Variants in DSCAM observed in about 807,000 individuals in gnomAD.
DSCAM encodes DS cell adhesion molecule, also known as cell adhesion molecule DSCAM.
In DSCAM, 47 loss-of-function variants were observed where a neutral mutation model predicts 217.7. The observed-to-expected ratio is 0.22, with a 90% CI of 0.17 to 0.28. The LOEUF (loss-of-function observed/expected upper bound fraction) is 0.28, where lower values mean the gene tolerates loss of function less well. Ranked by LOEUF, DSCAM falls within the 10% of genes least tolerant of loss-of-function variation. The pLI is 1.00. For synonymous variants in DSCAM, 1,056 were observed against 1,015.3 expected, an observed-to-expected ratio of 1.04 and a Z score of -0.76; for missense variants, 2,080 against 2,618.3, an observed-to-expected ratio of 0.79 and a Z score of 4.49.
chr21:40,100,559 CAATG>C (rs761569202), intron 20 of DSCAM, among the ~76,000 whole-genome samples: 23 of 151,504 alleles, frequency 1.5e-4, no homozygotes, highest in Non-Finnish European at 3.2e-4. Context: ...AGAGAATGTT[CAATG>C]AGAAGGGATC....
At chr21:40,411,570 A>C (rs1412065736) in intron 3 of DSCAM, among the ~76,000 whole-genome samples, 1 of 152,176 alleles carries the variant, frequency 6.6e-6, no homozygotes, top group African/African-American at 2.4e-5. Context: ...GTTAAAGCAA[A>C]AAGATATAAA....
intron 21 of DSCAM, among the ~76,000 whole-genome samples, chr21:40,091,277 T>C (rs1292198426): frequency 1.3e-5 from 2 of 152,278 alleles, no homozygotes; most frequent in East Asian, 3.9e-4. Context: ...ACCATCTCCT[T>C]ATTTCTCTTG....
At chr21:40,378,374 T>C (rs1490669728) in intron 3 of DSCAM, among the ~76,000 whole-genome samples, 2 of 152,142 alleles carry the variant, frequency 1.3e-5, no homozygotes, top group East Asian at 1.9e-4. Context: ...GGTGGGCATG[T>C]AAATTGGTGA....
chr21:40,216,466 A>T (rs188063108), intron 11 of DSCAM, among the ~76,000 whole-genome samples: 67 of 152,274 alleles, frequency 4.4e-4, no homozygotes, highest in African/African-American at 1.5e-3. Flanking sequence ...TTATAAAAAA[A>T]GCTTTTAAAA....
At chr21:40,219,904 T>A (rs2091276137) in intron 11 of DSCAM, among the ~76,000 whole-genome samples, 1 of 152,208 alleles carries the variant, frequency 6.6e-6, no homozygotes, top group East Asian at 1.9e-4. Context: ...CAAATAGCAT[T>A]TTTGAATATG....
intron 27 of DSCAM, among the ~76,000 whole-genome samples, chr21:40,064,349 C>G (rs2089174910): frequency 6.6e-6 from 1 of 152,112 alleles, no homozygotes; most frequent in Non-Finnish European, 1.5e-5. Flanking sequence ...CAATTGTCTT[C>G]TGATCAACTG....
rs2089701266 is a variant in DSCAM at position 40,097,961 on chromosome 21, AGAAAG to A, written c.3697-4092_3697-4088del. Among the ~76,000 whole-genome samples, 51 of 62,472 alleles carry A rather than the reference AGAAAG, an allele frequency of 8.2e-4. 3 individuals are homozygous for A. Among genetic ancestry groups the A allele is most frequent in the African/African-American group, 3.8e-3 (42 of 11,112 alleles). The allele number at this position is 62,472 out of a possible 152,430, so 41.0% of individuals were successfully genotyped here. On this transcript the variant is annotated intron_variant, in intron 20 of 32. Coordinates refer to ENST00000400454, the MANE Select transcript of DSCAM (RefSeq NM_001389.5). ...GTCTCAAAAAAAAAAAAAAAAAGAA[AGAAAG>A]AAAGAAAGAAAGAAAGAAAGAAAGA...
intron 1 of DSCAM, among the ~76,000 whole-genome samples, chr21:40,723,263 TC>T (rs751139420): frequency 6.6e-6 from 1 of 152,132 alleles, no homozygotes; most frequent in Non-Finnish European, 1.5e-5. Context: ...CTCCTCAGTG[TC>T]CTAGGTCCCC....
intron 3 of DSCAM, among the ~76,000 whole-genome samples, chr21:40,551,614 C>T (rs1277671463): frequency 6.6e-6 from 1 of 152,084 alleles, no homozygotes; most frequent in Non-Finnish European, 1.5e-5. Flanking sequence ...CAAAATTTCC[C>T]CCACAAAAGA....
In DSCAM at chr21:40,509,890, C is replaced by T. The variant is rs11909788; in HGVS notation, c.509-140645G>A. Reference sequence around the variant, plus strand: ...CTATAATCCCAGCATTTTGGGAGGCCGAGGCAGGCGGATCACGAGTTCAAG... The same window carrying T: ...CTATAATCCCAGCATTTTGGGAGGCTGAGGCAGGCGGATCACGAGTTCAAG... On this transcript the variant is annotated intron_variant, in intron 3 of 32. Coordinates refer to ENST00000400454, the MANE Select transcript of DSCAM (RefSeq NM_001389.5). Among the ~76,000 whole-genome samples, 1,344 of 152,142 alleles carry T rather than the reference C, an allele frequency of 8.8e-3. 23 individuals carry two copies. Among genetic ancestry groups the T allele is most frequent in the African/African-American group, 0.031 (1,272 of 41,486 alleles).
At chr21:40,526,083 T>C (rs981244053) in intron 3 of DSCAM, among the ~76,000 whole-genome samples, 1 of 152,170 alleles carries the variant, frequency 6.6e-6, no homozygotes, top group Non-Finnish European at 1.5e-5. Flanking sequence ...GGATACTTTC[T>C]GGGCCTGCCT....
At chr21:40,824,159 C>T (rs1454731998) in intron 1 of DSCAM, among the ~76,000 whole-genome samples, 1 of 152,074 alleles carries the variant, frequency 6.6e-6, no homozygotes, top group Non-Finnish European at 1.5e-5. Flanking sequence ...GGTCAGTACC[C>T]AGCCGCCATC....
At chr21:40,369,299 C>A in intron 3 of DSCAM, 54 bp from the exon 4 acceptor site, 3 of 1,550,216 alleles carry the variant, frequency 1.9e-6, no homozygotes, top group Non-Finnish European at 2.6e-6. Flanking sequence ...GCAACCCAAC[C>A]ACACAGACAA....
chr21:40,435,546 C>CAAAA (rs3069912), intron 3 of DSCAM, among the ~76,000 whole-genome samples: 1 of 143,470 alleles, frequency 7.0e-6, no homozygotes, highest in African/African-American at 2.6e-5. Flanking sequence ...CTGTATCTAC[C>CAAAA]AAAAAAAAAA....
At chr21:40,508,946 A>G (rs371129737) in intron 3 of DSCAM, among the ~76,000 whole-genome samples, 2 of 151,532 alleles carry the variant, frequency 1.3e-5, no homozygotes, top group African/African-American at 4.8e-5. Flanking sequence ...CAGAAAAACA[A>G]CATTTTGACA....
chr21:40,204,631 G>A (rs897675074), intron 11 of DSCAM, among the ~76,000 whole-genome samples: 11 of 152,154 alleles, frequency 7.2e-5, no homozygotes, highest in Non-Finnish European at 1.5e-5. Flanking sequence ...TTTGCAGATA[G>A]AAAAGCACCT....
intron 11 of DSCAM, among the ~76,000 whole-genome samples, chr21:40,246,280 G>A (rs907156758): frequency 9.7e-5 from 13 of 134,476 alleles, no homozygotes; most frequent in African/African-American, 3.5e-4. Flanking sequence ...ACTTTGGGAA[G>A]CCAAGGCAGG....
chr21:40,736,332 T>C (rs78174915), intron 1 of DSCAM, among the ~76,000 whole-genome samples: 4,790 of 152,168 alleles, frequency 0.031, 234 homozygotes, highest in African/African-American at 0.11. Flanking sequence ...TCATTGGCCA[T>C]TGGTAACTGA....
At chr21:40,271,978 G>A (rs2073623464) in intron 11 of DSCAM, among the ~76,000 whole-genome samples, 1 of 152,078 alleles carries the variant, frequency 6.6e-6, no homozygotes, top group Non-Finnish European at 1.5e-5. Context: ...TCGGAGAAAG[G>A]AATAGACCTG....
Sources: gnomAD v4.1 joint callset for allele counts (sites outside exome capture counted in the v4.1 genomes callset) on GRCh38, gnomAD v4.1.1 for gene constraint, MANE v1.5 for transcripts, NCBI Gene and HGNC (gene_info 2026-07-23, HGNC 2026-07-21) for gene names.